The following ECT2L variants were observed in gnomAD, a reference collection of about 807,000 sequenced individuals.
ECT2L encodes the protein epithelial cell transforming 2 like, also known as epithelial cell-transforming sequence 2 oncogene-like.
In ECT2L, 126 loss-of-function variants were observed where a neutral mutation model predicts 122.8. The ratio of observed to expected loss-of-function variants is 1.03; its 90% confidence interval spans 0.89 to 1.19. ECT2L has a LOEUF of 1.19. Ranked by LOEUF, ECT2L falls within the 50% of genes most tolerant of loss-of-function variation. ECT2L has a pLI of 0.00. For missense variants in ECT2L, 1,012 were observed against 1,064.1 expected, an observed-to-expected ratio of 0.95 and a Z score of 0.68; for synonymous variants, 385 against 381.8, an observed-to-expected ratio of 1.01 and a Z score of -0.10.
At chr6:138,839,434 G>T (rs1776964600) in intron 5 of ECT2L, among the ~76,000 whole-genome samples, 1 of 151,356 alleles carries the variant, frequency 6.6e-6, no homozygotes, top group South Asian at 2.1e-4. Context: ...GTGTGATCTG[G>T]CTCATTGCAA....
chr6:138,844,407 T>C lies in ECT2L; in HGVS notation c.596-5T>C. 6.2e-7 allele frequency: 1 copy of C among 1,612,724 alleles called. No individual in the cohort carries two copies. The highest frequency in any genetic ancestry group is 8.5e-7 in the Non-Finnish European group (1 of 1,178,952). ...CAGCCCCGCCTGCTGTTCTTTGTTT[T>C]TCAGAGGAGTTATTCAAAGTTCGAC... is the stretch of plus-strand genomic sequence containing the variant. On this transcript the variant is annotated splice_region_variant and splice_polypyrimidine_tract_variant and intron_variant, in intron 6 of 21. Transcript: ENST00000541398.
chr6:138,882,487 T>C (rs1582654117), intron 15 of ECT2L, among the ~76,000 whole-genome samples: 1 of 152,174 alleles, frequency 6.6e-6, no homozygotes, highest in East Asian at 1.9e-4. Flanking sequence ...GTGTGGTTCC[T>C]TCACCTCAAG....
At chr6:138,828,514 C>G (rs1432911414) in intron 4 of ECT2L, among the ~76,000 whole-genome samples, 2 of 152,146 alleles carry the variant, frequency 1.3e-5, no homozygotes, top group African/African-American at 2.4e-5. Context: ...GTGTTTTATT[C>G]TTCCTTCAGA....
intron 1 of ECT2L, among the ~76,000 whole-genome samples, chr6:138,804,855 G>C (rs1775662095): frequency 6.6e-6 from 1 of 152,056 alleles, no homozygotes; most frequent in South Asian, 2.1e-4. Flanking sequence ...TAAACTTCTT[G>C]ATTGAAATAC....
At chr6:138,872,160 G>T (rs1352641924) in intron 13 of ECT2L, among the ~76,000 whole-genome samples, 3 of 152,100 alleles carry the variant, frequency 2.0e-5, no homozygotes, top group Non-Finnish European at 4.4e-5. Context: ...GAGTCTAAAT[G>T]CCTTTCCAGG....
Position 138,834,894 on chromosome 6 carries a change from T to TACACACACAC in ECT2L, c.180-3425_180-3416dup, listed in dbSNP as rs544584441. ...CCCGGCTCCATTCTTTGCCCCCGTT[T>TACACACACAC]ACACACACACACACACACACACACA... is the stretch of plus-strand genomic sequence containing the variant. On this transcript the variant is annotated intron_variant, in intron 4 of 21. Coordinates refer to ENST00000541398, the MANE Select transcript of ECT2L (RefSeq NM_001077706.3). 7.9e-4 allele frequency among the ~76,000 whole-genome samples: 108 copies of TACACACACAC among 137,410 alleles called. 1 individual carries two copies. Among genetic ancestry groups the TACACACACAC allele is most frequent in the Admixed American group, 2.3e-3 (31 of 13,362 alleles). The allele number at this position is 137,410 out of a possible 152,430, so 90.1% of individuals were successfully genotyped here.
chr6:138,821,136 G>A lies in ECT2L; in HGVS notation c.179+6533G>A, dbSNP rs187516396. ...GAACACAGACCACATGAGCTGTCTC[G>A]TCCCTTCTAGTCTCAGTGCAATGAA... On this transcript the variant is annotated intron_variant, in intron 4 of 21. Transcript: ENST00000541398. Among the ~76,000 whole-genome samples, 25 of 152,314 alleles carry A rather than the reference G, an allele frequency of 1.6e-4. No individual in the cohort carries two copies. In the East Asian group the frequency reaches 2.1e-3, roughly 13 times the overall value.
intron 10 of ECT2L, among the ~76,000 whole-genome samples, chr6:138,861,647 T>C (rs1312252208): frequency 2.0e-5 from 3 of 152,218 alleles, no homozygotes; most frequent in African/African-American, 7.2e-5. Context: ...GATGGATAGA[T>C]TGCAAAAATT....
Position 138,855,663 on chromosome 6 carries a change from T to C in ECT2L, c.1198+1509T>C, listed in dbSNP as rs1294969333. Among the ~76,000 whole-genome samples the C allele has an allele frequency of 2.0e-5, 3 of 152,246 alleles. No homozygotes were observed. The East Asian group carries it at 5.8e-4, about 29-fold the overall frequency. On this transcript the variant is annotated intron_variant, in intron 10 of 21. Coordinates refer to ENST00000541398, the MANE Select transcript of ECT2L (RefSeq NM_001077706.3). ...TTACAAAGAGTTGGATGGTGTGATC[T>C]CATTGTTTAAAACATGCATATGTGT...
Position 138,813,775 on chromosome 6 carries a change from G to A in ECT2L, c.66+435G>A, listed in dbSNP as rs781304391. Among the ~76,000 whole-genome samples the A allele has an allele frequency of 3.0e-4, 46 of 152,282 alleles. 2 individuals carry two copies. Among genetic ancestry groups the A allele is most frequent in the African/African-American group, 9.6e-4 (40 of 41,570 alleles). On this transcript the variant is annotated intron_variant, in intron 3 of 21. Coordinates refer to ENST00000541398, the MANE Select transcript of ECT2L (RefSeq NM_001077706.3). ...CTATTTTAAGGTAATTCAGGAAGTC[G>A]TCATTTAATGGCCTATGGTGGCTCT...
intron 4 of ECT2L, among the ~76,000 whole-genome samples, chr6:138,815,145 T>C (rs1776025627): frequency 6.6e-6 from 1 of 152,168 alleles, no homozygotes; most frequent in South Asian, 2.1e-4. Flanking sequence ...TGGTGTGACA[T>C]CTGTGAGTTG....
Position 138,847,586 on chromosome 6 carries a change from C to T in ECT2L, c.903+909C>T, listed in dbSNP as rs547193037. 5.4e-5 allele frequency among the ~76,000 whole-genome samples: 8 copies of T among 148,592 alleles called. No individual in the cohort carries two copies. The East Asian group carries it at 1.6e-3, about 30-fold the overall frequency. On this transcript the variant is annotated intron_variant, in intron 8 of 21. Transcript: ENST00000541398. Reference sequence around the variant, plus strand: ...GTAAAGACGGGTTTAGCCGTGTTAGCCAGGATGGTCTCGATCTCCTGACCT... The same window carrying T: ...GTAAAGACGGGTTTAGCCGTGTTAGTCAGGATGGTCTCGATCTCCTGACCT...
chr6:138,885,298 A>T (rs190752396), intron 16 of ECT2L, among the ~76,000 whole-genome samples: 256 of 152,092 alleles, frequency 1.7e-3, no homozygotes, highest in African/African-American at 5.8e-3. Context: ...AAAGTGCTGG[A>T]ATTACAGGCA....
At chr6:138,842,469 A>C (rs928918465) in intron 5 of ECT2L, among the ~76,000 whole-genome samples, 2 of 139,284 alleles carry the variant, frequency 1.4e-5, no homozygotes, top group African/African-American at 2.7e-5. Flanking sequence ...TCAAAAAAAA[A>C]ACATAGAAAT....
intron 1 of ECT2L, among the ~76,000 whole-genome samples, chr6:138,796,425 C>T (rs1309178947): frequency 6.6e-6 from 1 of 152,162 alleles, no homozygotes; most frequent in East Asian, 1.9e-4. Flanking sequence ...GGGTTTGCAT[C>T]GGGCCATGCC....
At chr6:138,897,938 C>T (rs928931612) in intron 20 of ECT2L, among the ~76,000 whole-genome samples, 1 of 152,188 alleles carries the variant, frequency 6.6e-6, no homozygotes, top group Non-Finnish European at 1.5e-5. Context: ...TTGAATGCTG[C>T]TTCTTCAAAG....
Position 138,882,765 on chromosome 6 carries a change from GC to G in ECT2L, c.1925del (p.Pro642GlnfsTer8). 6.2e-7 allele frequency: 1 copy of G among 1,614,216 alleles called. No homozygotes were observed. The highest frequency in any genetic ancestry group is 8.5e-7 in the Non-Finnish European group (1 of 1,180,026). On this transcript the variant is annotated frameshift_variant, in exon 16 of 22. Transcript: ENST00000541398. LOFTEE classifies it high-confidence loss of function. ...CTGAGAGACAGACTGCAGGAATGGG[GC>G]CCAGCTCACTGTGTGGGAGAAATAG... ...DNLRDRLQEW[G>X]PAHCVGEIVT...
intron 4 of ECT2L, among the ~76,000 whole-genome samples, chr6:138,837,680 C>T (rs1395298533): frequency 1.3e-5 from 2 of 149,900 alleles, no homozygotes; most frequent in Non-Finnish European, 3.0e-5. Context: ...AACCCAAAAA[C>T]GTCCACACAC....
In ECT2L at chr6:138,827,406, T is replaced by C. The variant is rs569997112; in HGVS notation, c.180-10946T>C. Among the ~76,000 whole-genome samples the C allele has an allele frequency of 1.2e-3, 184 of 152,208 alleles. 1 individual carries two copies. The highest frequency in any genetic ancestry group is 4.1e-3 in the African/African-American group (171 of 41,520). Reference sequence around the variant, plus strand: ...CTACCCAGTCTCAGGTATTTCTTTATAGCAACACAAGAAGGGCCTAACACA... The same window carrying C: ...CTACCCAGTCTCAGGTATTTCTTTACAGCAACACAAGAAGGGCCTAACACA... On this transcript the variant is annotated intron_variant, in intron 4 of 21. Transcript: ENST00000541398.
Sources: gnomAD v4.1 joint callset for allele counts (sites outside exome capture counted in the v4.1 genomes callset) on GRCh38, gnomAD v4.1.1 for gene constraint, MANE v1.5 for transcripts, NCBI Gene and HGNC (gene_info 2026-07-23, HGNC 2026-07-21) for gene names.